XYLT2: variants seen among roughly 807,000 people sequenced by gnomAD.
XYLT2 encodes UDP-D-xylose:proteoglycan core protein beta-D-xylosyltransferase.
In XYLT2, 37 loss-of-function variants were observed where a neutral mutation model predicts 82.6. The observed-to-expected ratio is 0.45, with a 90% CI of 0.34 to 0.59. The LOEUF is 0.59. XYLT2 is among the 20% of genes least tolerant of loss of function. The pLI is 0.01. For synonymous variants in XYLT2, 474 were observed against 499.0 expected (o/e 0.95, Z 0.67); for missense variants, 934 against 1,181.3 (o/e 0.79, Z 3.07).
chr17:50,357,468 G>A (rs763906824), intron 9 of XYLT2: 3 of 517,952 alleles, frequency 5.8e-6, no homozygotes, highest in Non-Finnish European at 6.7e-6. Flanking sequence ...CAGGGAGCAG[G>A]GAGGGAATTA....
chr17:50,357,448 A>C (rs1196804200), intron 9 of XYLT2, 196 bp downstream of exon 9: 2 of 568,684 alleles, frequency 3.5e-6, no homozygotes. Context: ...TGGGGTATGC[A>C]GAGGACATGC....
At chr17:50,358,147 T>A in intron 9 of XYLT2, 60 bp from the exon 10 acceptor site, 3 of 1,448,592 alleles carry the variant, frequency 2.1e-6, no homozygotes, top group Non-Finnish European at 2.8e-6. Flanking sequence ...AGAGGCAGCT[T>A]CAGAGGAGGG....
At chr17:50,356,859 C>A in intron 8 of XYLT2, 86 bp downstream of exon 8, 1 of 1,523,082 alleles carries the variant, frequency 6.6e-7, no homozygotes, top group South Asian at 1.3e-5. Flanking sequence ...CCCCTGCCCA[C>A]AACAAGGCCC....
chr17:50,346,906 G>C lies in XYLT2; in HGVS notation c.135+631G>C. 1.0e-6 allele frequency: 1 copy of C among 985,402 alleles called. No homozygotes were observed. The allele number at this position is 985,402 out of a possible 1,614,324, so 61.0% of individuals were successfully genotyped here. ...GTTTGAAGAACCTGGATGGGTCTCC[G>C]GAGGGCAGGGAGAGGAGGAACTGAG... On this transcript the variant is annotated intron_variant, in intron 1 of 10. Transcript: ENST00000017003. The surrounding 1 kb of genome is among the most constrained non-coding windows in gnomAD (Gnocchi z 5.1).
In XYLT2 at chr17:50,346,581, C is replaced by T; in HGVS notation, c.135+306C>T. On this transcript the variant is annotated intron_variant, in intron 1 of 10. Coordinates refer to ENST00000017003, the MANE Select transcript of XYLT2 (RefSeq NM_022167.4). This position sits in a 1 kb window ranked among gnomAD's most constrained non-coding sequence, Gnocchi z 5.1. ...AGGGAGCGATGAAGGTCAGGCGCGG[C>T]GAGCGGGGCTGGGAGGCGGGGCTGG... 1 of 980,940 alleles carries T rather than the reference C, an allele frequency of 1.0e-6. No homozygotes were observed. Among genetic ancestry groups the T allele is most frequent in the South Asian group, 4.7e-5 (1 of 21,180 alleles). 60.8% of individuals were successfully genotyped at this position (980,940 alleles called of 1,614,324 possible).
chr17:50,357,095 ATT>A lies in XYLT2; in HGVS notation c.1786_1787del (p.Phe596LeufsTer2). ...GGCTTGCCGTCCAGCGTGCACCTGT[ATT>A]TCTATGACGACCATTTCCAGGGCTA... On this transcript the variant is annotated frameshift_variant, in exon 9 of 11. Transcript: ENST00000017003. LOFTEE classifies it high-confidence loss of function. 6.2e-7 allele frequency: 1 copy of A among 1,613,392 alleles called. No homozygotes were observed. The highest frequency in any genetic ancestry group is 8.5e-7 in the Non-Finnish European group (1 of 1,179,660).
Position 50,360,885 on chromosome 17 carries a change from C to T in XYLT2, c.*594C>T. 4.1e-6 allele frequency: 4 copies of T among 985,910 alleles called. No individual in the cohort carries two copies. The highest frequency in any genetic ancestry group is 4.8e-6 in the Non-Finnish European group (4 of 829,980). The allele number at this position is 985,910 out of a possible 1,614,324, so 61.1% of individuals were successfully genotyped here. On this transcript the variant is annotated 3_prime_UTR_variant, in exon 11 of 11. Transcript: ENST00000017003. ...GCTGCAGAGCTGGGCTCTAGCAGGACAGTTCTTTTGTAGCCAGGGGACCCT... is the reference window on the plus strand; with the variant it reads ...GCTGCAGAGCTGGGCTCTAGCAGGATAGTTCTTTTGTAGCCAGGGGACCCT...
chr17:50,352,277 GA>G (rs983677367), intron 1 of XYLT2, among the ~76,000 whole-genome samples: 6 of 152,220 alleles, frequency 3.9e-5, no homozygotes, highest in Non-Finnish European at 5.9e-5. Context: ...TGAGTTGGCA[GA>G]GCTAGGCCCA....
chr17:50,356,568 G>A lies in XYLT2; in HGVS notation c.1540G>A (p.Val514Met). The A allele has an allele frequency of 6.2e-7, 1 of 1,614,130 alleles. No homozygotes were observed. The highest frequency in any genetic ancestry group is 1.1e-5 in the South Asian group (1 of 91,088). The change falls in exon 8 of 11, where the codon GTG becomes ATG. Residue 514 changes from valine to methionine, a missense_variant. Transcript: ENST00000017003. ...GTTCGAGTCGACTGTGAACCAGGAG[G>A]TGCTGGAAATCCTGGACTTCCACCT... Reference protein sequence around the residue: ...RKFESTVNQEVLEILDFHLYG... With the variant: ...RKFESTVNQEMLEILDFHLYG...
At chr17:50,358,579 C>T (rs564978530) in intron 10 of XYLT2, 39 bp downstream of exon 10, 3 of 1,559,880 alleles carry the variant, frequency 1.9e-6, no homozygotes, top group African/African-American at 1.4e-5. Flanking sequence ...AGAAGCCAGA[C>T]AGAATAGGAC....
At chr17:50,358,593 C>T (rs1912660816) in intron 10 of XYLT2, 53 bp downstream of exon 10, 5 of 1,513,348 alleles carry the variant, frequency 3.3e-6, no homozygotes, top group African/African-American at 2.8e-5. Flanking sequence ...ATAGGACTCG[C>T]CAGAGAGGTG....
At chr17:50,356,997 G>T in intron 8 of XYLT2, 60 bp from the exon 9 acceptor site, 11 of 1,532,028 alleles carry the variant, frequency 7.2e-6, no homozygotes, top group Non-Finnish European at 9.7e-6. Context: ...CCCTCCCTGG[G>T]ACTCCAGGCC....
Position 50,346,212 on chromosome 17 carries a change from C to G in XYLT2, c.72C>G (p.Ile24Met). 3.1e-6 allele frequency: 4 copies of G among 1,286,444 alleles called. No homozygotes were observed. The highest frequency in any genetic ancestry group is 4.0e-6 in the Non-Finnish European group (4 of 990,022). The allele number at this position is 1,286,444 out of a possible 1,614,324, so 79.7% of individuals were successfully genotyped here. A position where few individuals can be genotyped will look rare whatever the true frequency, so the allele number is the denominator to read the frequency against. Residue 24 changes from isoleucine (I) to methionine (M), a missense_variant, in exon 1 of 11, where the codon ATC (isoleucine) becomes ATG (methionine). Physicochemically the swap from Ile to Met is conservative, Grantham distance 10 (BLOSUM62 1). This residue lies in a region of XYLT2 where 371 missense variants were observed against 394.9 expected (regional missense o/e 0.94). Transcript: ENST00000017003. This position sits in a 1 kb window ranked among gnomAD's most constrained non-coding sequence, Gnocchi z 5.1. Reference protein sequence around the residue: ...YKLAIATALAILLLQGLVVWS... With the variant: ...YKLAIATALAMLLLQGLVVWS... Reference sequence around the variant, plus strand: ...TGGCGATTGCCACGGCGCTGGCCATCCTGCTGCTGCAGGGCCTGGTAGTGT... The same window carrying G: ...TGGCGATTGCCACGGCGCTGGCCATGCTGCTGCTGCAGGGCCTGGTAGTGT...
chr17:50,350,285 G>C lies in XYLT2; in HGVS notation c.136-3345G>C, dbSNP rs1182266445. Reference sequence around the variant, plus strand: ...ATTCATTCATTCAAAAAATACTAAGGCCAGGCACAGTGGCTTAGGCCTGTA... The same window carrying C: ...ATTCATTCATTCAAAAAATACTAAGCCCAGGCACAGTGGCTTAGGCCTGTA... On this transcript the variant is annotated intron_variant, in intron 1 of 10. Transcript: ENST00000017003. 4.9e-5 allele frequency among the ~76,000 whole-genome samples: 5 copies of C among 101,650 alleles called. 2 individuals are homozygous for C. Among genetic ancestry groups the C allele is most frequent in the African/African-American group, 1.6e-4 (5 of 30,634 alleles). 66.7% of individuals were successfully genotyped at this position (101,650 alleles called of 152,430 possible). A position where few individuals can be genotyped will look rare whatever the true frequency, so the allele number is the denominator to read the frequency against.
intron 1 of XYLT2, among the ~76,000 whole-genome samples, chr17:50,353,114 C>T (rs1014017765): frequency 2.6e-5 from 4 of 152,182 alleles, no homozygotes; most frequent in African/African-American, 9.7e-5. Context: ...TCCATCATCC[C>T]CCATGGGCAC....
chr17:50,353,998 CGCACTGTCT>C lies in XYLT2; in HGVS notation c.511_519del (p.Ser171_Leu173del). 1 of 1,606,938 alleles carries C rather than the reference CGCACTGTCT, an allele frequency of 6.2e-7. No individual in the cohort carries two copies. Among genetic ancestry groups the C allele is most frequent in the Non-Finnish European group, 8.5e-7 (1 of 1,179,916 alleles). On this transcript the variant is annotated inframe_deletion, in exon 2 of 11. Transcript: ENST00000017003. ...CCAAGTGCGAGATCGTGGGCAAGGA[CGCACTGTCT>C]GCACTGGCCCGGGCCAGCACCAAGC...
rs1912786987 is a variant in XYLT2 at position 50,361,041 on chromosome 17, C to T, written c.*750C>T. Reference sequence around the variant, plus strand: ...ACTGGAAGTGAGGTCACATGAGCAGCGTGGGAAGAAGACTCTGTCAAGACT... The same window carrying T: ...ACTGGAAGTGAGGTCACATGAGCAGTGTGGGAAGAAGACTCTGTCAAGACT... On this transcript the variant is annotated 3_prime_UTR_variant, in exon 11 of 11. Coordinates refer to ENST00000017003, the MANE Select transcript of XYLT2 (RefSeq NM_022167.4). 7.1e-6 allele frequency: 7 copies of T among 985,862 alleles called. No individual in the cohort carries two copies. Among genetic ancestry groups the T allele is most frequent in the East Asian group, 2.3e-4 (2 of 8,818 alleles). The allele number at this position is 985,862 out of a possible 1,614,324, so 61.1% of individuals were successfully genotyped here.
chr17:50,353,894 G>C lies in XYLT2; in HGVS notation c.400G>C (p.Gly134Arg), dbSNP rs759321970. The change falls in exon 2 of 11, where the codon GGG becomes CGG. Residue 134 changes from glycine (G) to arginine (R), a missense_variant. Gly to Arg is a moderately radical substitution (Grantham distance 125). Coordinates refer to ENST00000017003, the MANE Select transcript of XYLT2 (RefSeq NM_022167.4). ...SGAAAGEALV[G>R]AAGFPPHGDT... is the part of the protein sequence containing the mutation. ...GGCAGCAGCTGGGGAGGCGCTGGTA[G>C]GGGCAGCTGGCTTCCCACCACACGG... The C allele has an allele frequency of 6.2e-7, 1 of 1,608,820 alleles. No individual in the cohort carries two copies. The highest frequency in any genetic ancestry group is 1.7e-5 in the Admixed American group (1 of 59,982).
Position 50,360,025 on chromosome 17 carries a change from T to A in XYLT2, c.2332T>A (p.Phe778Ile). The change falls in exon 11 of 11, where the codon TTC (phenylalanine) becomes ATC (isoleucine). Residue 778 changes from phenylalanine (F) to isoleucine (I), a missense_variant. Around this residue, in one of 3 missense-constraint regions of XYLT2, gnomAD observed 374 missense variants for 465.6 expected, o/e 0.80. Transcript: ENST00000017003. ...CCACAACGAGTACATGGAGCAGAGT[T>A]TCCAGGGCCTGAGTAGCATCCTGAA... Reference protein sequence around the residue: ...PPHNEYMEQSFQGLSSILNLP... With the variant: ...PPHNEYMEQSIQGLSSILNLP... The A allele has an allele frequency of 6.2e-7, 1 of 1,613,718 alleles. No individual in the cohort carries two copies. Among genetic ancestry groups the A allele is most frequent in the Non-Finnish European group, 8.5e-7 (1 of 1,179,890 alleles).
Sources: gnomAD v4.1 joint callset for allele counts (sites outside exome capture counted in the v4.1 genomes callset) on GRCh38, gnomAD v4.1.1 for gene constraint, gnomAD v4.1.1 regional missense constraint, Gnocchi (gnomAD v3.1) non-coding constraint, MANE v1.5 for transcripts, NCBI Gene and HGNC (gene_info 2026-07-23, HGNC 2026-07-21) for gene names.